TAC4: variants seen among roughly 807,000 people sequenced by gnomAD.
TAC4 encodes the protein tachykinin precursor 4.
Under a neutral mutation model 17.7 loss-of-function variants are expected in TAC4, and 17 were observed. The observed-to-expected ratio is 0.96, with a 90% CI of 0.66 to 1.44. TAC4 has a LOEUF of 1.44. Ranked by LOEUF, TAC4 falls within the 40% of genes most tolerant of loss-of-function variation. TAC4 has a pLI of 0.00. For missense variants in TAC4, 118 were observed against 125.6 expected (o/e 0.94, Z 0.29); for synonymous variants, 62 against 52.4 (o/e 1.18, Z -0.79).
intron 1 of TAC4, chr17:49,847,341 T>G: frequency 9.1e-7 from 1 of 1,102,234 alleles, no homozygotes; most frequent in Admixed American, 2.7e-5. Flanking sequence ...CAGGCAGGAG[T>G]GGGGGTAGTG....
intron 2 of TAC4, 49 bp downstream of exon 2, chr17:49,844,015 A>G (rs2144046107): frequency 7.7e-6 from 12 of 1,558,870 alleles, no homozygotes; most frequent in Non-Finnish European, 1.1e-5. Flanking sequence ...ATGTTGCAGA[A>G]CCCACTCAGA....
intron 1 of TAC4, chr17:49,847,065 T>C (rs1403875361): frequency 9.3e-6 from 12 of 1,290,168 alleles, no homozygotes; most frequent in Non-Finnish European, 1.1e-5. Context: ...ACTGTCCATG[T>C]GATGGCTCTT....
At chr17:49,847,427 G>A (rs2074551156) in intron 1 of TAC4, 2 of 486,106 alleles carry the variant, frequency 4.1e-6, no homozygotes, top group Non-Finnish European at 6.7e-6. Flanking sequence ...AGAAAATTCT[G>A]GAAAAGCTCC....
In TAC4 at chr17:49,838,644, A is replaced by C. The variant is rs59864001; in HGVS notation, c.322T>G (p.Ter108GluextTer22). 1.6e-3 allele frequency: 2,622 copies of C among 1,613,146 alleles called. 38 individuals are homozygous for C. The African/African-American group carries it at 0.03, about 18-fold the overall frequency. ...GREDEAQGSE[*>E] ...TGGGAAGTCTGTGGTGGGGGCTTTT[A>C]CTCTGAACCTTGGGCCTCATCCTCT... The change falls in exon 5 of 5, where the codon TAA becomes GAA. Residue 108 changes from the stop codon to glutamate, a stop_lost. Transcript: ENST00000436235.
chr17:49,838,357 G>C lies in TAC4; in HGVS notation c.*285C>G, dbSNP rs2074471739. The C allele has an allele frequency of 3.8e-6, 2 of 528,592 alleles. No individual in the cohort carries two copies. The highest frequency in any genetic ancestry group is 6.7e-6 in the Non-Finnish European group (2 of 298,594). The allele number at this position is 528,592 out of a possible 1,614,324, so 32.7% of individuals were successfully genotyped here. A position where few individuals can be genotyped will look rare whatever the true frequency, so the allele number is the denominator to read the frequency against. On this transcript the variant is annotated 3_prime_UTR_variant, in exon 5 of 5. Transcript: ENST00000436235. ...GTGTGCTAGGCACAGGATACAGAGT[G>C]TGCGAGTCTCCTCACTGCTGTGCAG...
intron 4 of TAC4, 75 bp downstream of exon 4, chr17:49,839,775 A>G (rs2074482968): frequency 7.1e-7 from 1 of 1,411,450 alleles, no homozygotes; most frequent in Non-Finnish European, 9.8e-7. Flanking sequence ...CCCAGCCCCC[A>G]TCTTGCAGAC....
At chr17:49,840,558 A>G (rs2074489302) in intron 3 of TAC4, among the ~76,000 whole-genome samples, 1 of 152,026 alleles carries the variant, frequency 6.6e-6, no homozygotes, top group South Asian at 2.1e-4. Flanking sequence ...CCTGGAATGC[A>G]GTGGCGTGAT....
intron 1 of TAC4, chr17:49,845,954 CTT>C (rs2074535189): frequency 4.3e-6 from 1 of 231,318 alleles, no homozygotes; most frequent in South Asian, 4.5e-5. Context: ...GGAAAAGTCT[CTT>C]TGGGGATTTG....
At chr17:49,843,352 A>C (rs2074512579) in intron 2 of TAC4, among the ~76,000 whole-genome samples, 1 of 152,186 alleles carries the variant, frequency 6.6e-6, no homozygotes, top group Non-Finnish European at 1.5e-5. Flanking sequence ...TTAAGTTAGT[A>C]ATTTTGTTTC....
At chr17:49,846,144 G>A in intron 1 of TAC4, 1 of 1,199,468 alleles carries the variant, frequency 8.3e-7, no homozygotes, top group Non-Finnish European at 1.1e-6. Context: ...CACTCCGACA[G>A]GACTCCTGCC....
intron 3 of TAC4, among the ~76,000 whole-genome samples, chr17:49,840,123 C>G (rs979310766): frequency 1.3e-5 from 2 of 152,250 alleles, no homozygotes; most frequent in Non-Finnish European, 2.9e-5. Flanking sequence ...CCCTCCTCCC[C>G]CTCCTCCATT....
In TAC4 at chr17:49,840,887, C is replaced by CTTTT. The variant is rs778120935; in HGVS notation, c.232+661_232+664dup. On this transcript the variant is annotated intron_variant, in intron 3 of 4. Transcript: ENST00000436235. ...AGAGTAGTGGCTTCTTAGATTTGTA[C>CTTTT]TTTTTTTTTTTTTTTTTTTTTTTTT... is the stretch of plus-strand genomic sequence containing the variant. Among the ~76,000 whole-genome samples the CTTTT allele has an allele frequency of 4.1e-4, 33 of 79,564 alleles. 1 individual carries two copies. Among genetic ancestry groups the CTTTT allele is most frequent in the East Asian group, 7.6e-4 (2 of 2,624 alleles). 52.2% of individuals were successfully genotyped at this position (79,564 alleles called of 152,430 possible).
intron 1 of TAC4, chr17:49,847,186 G>C: frequency 7.8e-7 from 1 of 1,290,176 alleles, no homozygotes; most frequent in Non-Finnish European, 1.0e-6. Flanking sequence ...GTCAGGCCCA[G>C]CCTTGTCCTG....
Position 49,838,381 on chromosome 17 carries a change from A to G in TAC4, c.*261T>C. 1 of 573,046 alleles carries G rather than the reference A, an allele frequency of 1.7e-6. No homozygotes were observed. Among genetic ancestry groups the G allele is most frequent in the South Asian group, 2.2e-5 (1 of 46,504 alleles). 35.5% of individuals were successfully genotyped at this position (573,046 alleles called of 1,614,324 possible). On this transcript the variant is annotated 3_prime_UTR_variant, in exon 5 of 5. Coordinates refer to ENST00000436235, the MANE Select transcript of TAC4 (RefSeq NM_001077506.2). The stretch of plus-strand genomic sequence containing the variant: ...TGTGCGAGTCTCCTCACTGCTGTGC[A>G]GTGAGATGCCAACTCTGAGTGTGAG...
intron 2 of TAC4, among the ~76,000 whole-genome samples, chr17:49,842,004 C>T (rs1470913173): frequency 4.0e-5 from 6 of 148,284 alleles, no homozygotes; most frequent in South Asian, 2.1e-4. Context: ...CCCAGGTTCA[C>T]GCCATTCTCC....
At chr17:49,846,923 G>A (rs1021618851) in intron 1 of TAC4, 30 of 1,276,482 alleles carry the variant, frequency 2.4e-5, no homozygotes, top group Middle Eastern at 2.2e-4. Context: ...TCCCTCCTCC[G>A]TTTTGCAGGT....
chr17:49,839,709 T>G, intron 4 of TAC4, 141 bp downstream of exon 4: 1 of 711,108 alleles, frequency 1.4e-6, no homozygotes, highest in Non-Finnish European at 2.3e-6. Context: ...TGCACTCGAC[T>G]GCCTCCCCTG....
chr17:49,842,523 C>T (rs1381141020), intron 2 of TAC4, among the ~76,000 whole-genome samples: 3 of 151,032 alleles, frequency 2.0e-5, no homozygotes, highest in Admixed American at 6.6e-5. Flanking sequence ...GTGTAAGACT[C>T]CATCTCAAAA....
intron 1 of TAC4, among the ~76,000 whole-genome samples, chr17:49,846,548 A>T (rs1340258768): frequency 6.6e-6 from 1 of 152,144 alleles, no homozygotes; most frequent in Non-Finnish European, 1.5e-5. Context: ...AAGTGCTGGG[A>T]TTACAGGCAT....
Sources: allele counts gnomAD v4.1 joint callset (sites outside exome capture counted in the v4.1 genomes callset), GRCh38; gene constraint gnomAD v4.1.1; transcripts MANE v1.5; gene names NCBI Gene and HGNC (gene_info 2026-07-23, HGNC 2026-07-21).